LHFPL3: variants seen among roughly 807,000 people sequenced by gnomAD.
The protein encoded by LHFPL3 is LHFPL tetraspan subfamily member 3.
Under a neutral mutation model 19.3 loss-of-function variants are expected in LHFPL3, and 5 were observed. The ratio of observed to expected loss-of-function variants is 0.26; its 90% confidence interval spans 0.14 to 0.54. The LOEUF is 0.54. Among genes scored for constraint, LHFPL3 ranks in the 20% least tolerant of loss-of-function variants. The pLI is 0.94. For missense variants in LHFPL3, 249 were observed against 307.4 expected, an observed-to-expected ratio of 0.81 and a Z score of 1.42; for synonymous variants, 133 against 126.2, an observed-to-expected ratio of 1.05 and a Z score of -0.36.
chr7:104,328,832 C>A lies in LHFPL3; in HGVS notation c.53C>A (p.Ala18Asp). 3 of 1,613,594 alleles carry A rather than the reference C, an allele frequency of 1.9e-6. No homozygotes were observed. Among genetic ancestry groups the A allele is most frequent in the Non-Finnish European group, 2.5e-6 (3 of 1,179,788 alleles). Residue 18 changes from alanine (A) to aspartate (D), a missense_variant, in exon 1 of 3, where the codon GCT becomes GAT. Coordinates refer to ENST00000424859, the MANE Select transcript of LHFPL3 (RefSeq NM_199000.3). This position sits in a 1 kb window ranked among gnomAD's most constrained non-coding sequence, Gnocchi z 4.6. ...AAAAAAAMLP[A>D]QEAAKLYHTN... Reference sequence around the variant, plus strand: ...GCCGCCGCCGCCGCGATGCTCCCGGCTCAGGAGGCTGCCAAGCTGTACCAC... The same window carrying A: ...GCCGCCGCCGCCGCGATGCTCCCGGATCAGGAGGCTGCCAAGCTGTACCAC...
chr7:104,423,362 C>T (rs1186303405), intron 1 of LHFPL3, among the ~76,000 whole-genome samples: 20 of 152,058 alleles, frequency 1.3e-4, no homozygotes, highest in African/African-American at 4.8e-5. Context: ...CCTGTAATCC[C>T]AGCACTATGG....
At chr7:104,731,659 T>G (rs1275157543) in intron 1 of LHFPL3, among the ~76,000 whole-genome samples, 1 of 151,822 alleles carries the variant, frequency 6.6e-6, no homozygotes, top group East Asian at 1.9e-4. Context: ...TACAATCATG[T>G]CATCTGCAAA....
chr7:104,824,568 ATTATT>A (rs1440078930), intron 2 of LHFPL3, among the ~76,000 whole-genome samples: 2 of 73,890 alleles, frequency 2.7e-5, no homozygotes, highest in African/African-American at 5.7e-5. Flanking sequence ...AATTATATAT[ATTATT>A]TTATATATAA....
rs59524599 is a variant in LHFPL3 at position 104,547,242 on chromosome 7, CAAAAAAAAAAAAA to C, written c.446-189417_446-189405del. On this transcript the variant is annotated intron_variant, in intron 1 of 2. Transcript: ENST00000424859. ...TGGGCGACAGAGCGAGACTCCGTCT[CAAAAAAAAAAAAA>C]AAAAAAAAAAAAAAAGAAATAGTAG... Among the ~76,000 whole-genome samples the C allele has an allele frequency of 3.1e-3, 30 of 9,638 alleles. 7 individuals carry two copies. The highest frequency in any genetic ancestry group is 0.014 in the South Asian group (2 of 142). The allele number at this position is 9,638 out of a possible 152,430, so 6.3% of individuals were successfully genotyped here.
chr7:104,858,822 G>C (rs1055681883), intron 2 of LHFPL3, among the ~76,000 whole-genome samples: 1 of 151,848 alleles, frequency 6.6e-6, no homozygotes, highest in African/African-American at 2.4e-5. Context: ...CTCCACATTG[G>C]AGTACTTTCT....
At chr7:104,784,858 TA>T (rs1404872674) in intron 2 of LHFPL3, among the ~76,000 whole-genome samples, 2 of 152,172 alleles carry the variant, frequency 1.3e-5, no homozygotes. Context: ...GTGAGGGATC[TA>T]AAGTTGTCAA....
chr7:104,801,443 A>G (rs1432932811), intron 2 of LHFPL3, among the ~76,000 whole-genome samples: 3 of 152,228 alleles, frequency 2.0e-5, no homozygotes, highest in Non-Finnish European at 4.4e-5. Flanking sequence ...TGAAAGCCTG[A>G]ATGTAACCAG....
intron 1 of LHFPL3, among the ~76,000 whole-genome samples, chr7:104,608,045 G>T (rs894280681): frequency 1.3e-5 from 2 of 152,178 alleles, no homozygotes; most frequent in African/African-American, 4.8e-5. Flanking sequence ...TACACTGTTG[G>T]TGGGACTGTA....
chr7:104,813,758 A>G (rs558656936), intron 2 of LHFPL3, among the ~76,000 whole-genome samples: 1 of 152,328 alleles, frequency 6.6e-6, no homozygotes, highest in African/African-American at 2.4e-5. Context: ...AGAAACCCAC[A>G]AGCAGCTTCC....
chr7:104,845,491 C>T lies in LHFPL3; in HGVS notation c.683-60696C>T, dbSNP rs906921503. Reference sequence around the variant, plus strand: ...TTTGTGCGCTTCTGCCTTCTGTTCCCGCATGTTTTCTCCGCTGTTTTCTGA... The same window carrying T: ...TTTGTGCGCTTCTGCCTTCTGTTCCTGCATGTTTTCTCCGCTGTTTTCTGA... On this transcript the variant is annotated intron_variant, in intron 2 of 2. Transcript: ENST00000424859. 104 of 1,510,868 alleles carry T rather than the reference C, an allele frequency of 6.9e-5. 3 individuals carry two copies. In the Admixed American group the frequency reaches 1.6e-3, roughly 23 times the overall value. The allele number at this position is 1,510,868 out of a possible 1,614,324, so 93.6% of individuals were successfully genotyped here. A position where few individuals can be genotyped will look rare whatever the true frequency, so the allele number is the denominator to read the frequency against.
intron 1 of LHFPL3, among the ~76,000 whole-genome samples, chr7:104,435,771 C>T (rs529762854): frequency 6.6e-6 from 1 of 151,888 alleles, no homozygotes; most frequent in East Asian, 1.9e-4. Flanking sequence ...ACATTTCCCT[C>T]TGCATTTGTT....
At chr7:104,377,024 C>G (rs1339547548) in intron 1 of LHFPL3, among the ~76,000 whole-genome samples, 1 of 152,112 alleles carries the variant, frequency 6.6e-6, no homozygotes, top group African/African-American at 2.4e-5. Context: ...AAGGTAACAT[C>G]GCAAATTGGC....
intron 1 of LHFPL3, among the ~76,000 whole-genome samples, chr7:104,576,660 T>G (rs62487562): frequency 1.3e-5 from 2 of 151,712 alleles, no homozygotes; most frequent in African/African-American, 4.8e-5. Flanking sequence ...TTGTTTGTTT[T>G]GTTTTGTTTT....
intron 1 of LHFPL3, among the ~76,000 whole-genome samples, chr7:104,522,740 T>G (rs1228887462): frequency 6.6e-6 from 1 of 152,112 alleles, no homozygotes; most frequent in Admixed American, 6.6e-5. Flanking sequence ...AAAGAGGATT[T>G]TATTTGAAGC....
chr7:104,693,803 T>TTTG (rs1013479618), intron 1 of LHFPL3, among the ~76,000 whole-genome samples: 3 of 151,368 alleles, frequency 2.0e-5, no homozygotes, highest in African/African-American at 7.3e-5. Flanking sequence ...GGTTTTTTTT[T>TTTG]TGTATTTTTA....
intron 1 of LHFPL3, among the ~76,000 whole-genome samples, chr7:104,568,428 G>A (rs954609715): frequency 2.6e-5 from 4 of 152,170 alleles, no homozygotes; most frequent in African/African-American, 9.7e-5. Context: ...CTCAGTATTT[G>A]CAGAAGAGAT....
chr7:104,530,361 A>T (rs539564781), intron 1 of LHFPL3, among the ~76,000 whole-genome samples: 1 of 152,328 alleles, frequency 6.6e-6, no homozygotes, highest in East Asian at 1.9e-4. Context: ...AATGATAAGC[A>T]TATGTCCTAG....
At chr7:104,771,763 A>G (rs942703464) in intron 2 of LHFPL3, among the ~76,000 whole-genome samples, 5 of 150,564 alleles carry the variant, frequency 3.3e-5, no homozygotes, top group Admixed American at 6.6e-5. Context: ...CCTTAAGCCC[A>G]GAAGTTACCC....
intron 2 of LHFPL3, among the ~76,000 whole-genome samples, chr7:104,876,878 A>G (rs1050798090): frequency 2.6e-5 from 4 of 152,228 alleles, no homozygotes; most frequent in African/African-American, 7.2e-5. Context: ...AACCAACCCA[A>G]ATGTCCAACA....
Sources: gnomAD v4.1 joint callset for allele counts (sites outside exome capture counted in the v4.1 genomes callset) on GRCh38, gnomAD v4.1.1 for gene constraint, Gnocchi (gnomAD v3.1) non-coding constraint, MANE v1.5 for transcripts, NCBI Gene and HGNC (gene_info 2026-07-23, HGNC 2026-07-21) for gene names.